Variants in GPR107 observed in about 807,000 individuals in gnomAD.
GPR107 encodes G protein-coupled receptor 107, also known as protein GPR107.
In GPR107, 31 loss-of-function variants were observed where a neutral mutation model predicts 75.5. The ratio of observed to expected loss-of-function variants is 0.41; its 90% confidence interval spans 0.31 to 0.55. The LOEUF (loss-of-function observed/expected upper bound fraction) is 0.55. Among genes scored for constraint, GPR107 ranks in the 20% least tolerant of loss-of-function variants. The pLI is 0.26. For missense variants in GPR107, 572 were observed against 665.7 expected, an observed-to-expected ratio of 0.86 and a Z score of 1.55; for synonymous variants, 267 against 251.3, an observed-to-expected ratio of 1.06 and a Z score of -0.59.
intron 17 of GPR107, among the ~76,000 whole-genome samples, chr9:130,131,480 G>A (rs7021667): frequency 2.4e-3 from 367 of 151,984 alleles, no homozygotes; most frequent in African/African-American, 8.2e-3. Context: ...ACAACCTCCT[G>A]CGCTACCACA....
intron 1 of GPR107, among the ~76,000 whole-genome samples, chr9:130,054,919 G>T (rs1023519020): frequency 1.3e-5 from 2 of 152,098 alleles, no homozygotes; most frequent in African/African-American, 4.8e-5. Context: ...CCCCAAACCT[G>T]TCTCTACAAA....
chr9:130,059,653 C>A (rs1829878627), intron 1 of GPR107, among the ~76,000 whole-genome samples: 1 of 151,810 alleles, frequency 6.6e-6, no homozygotes, highest in African/African-American at 2.4e-5. Context: ...TTCAAATTTT[C>A]ATTGGTCATA....
chr9:130,083,108 A>T (rs557885637), intron 5 of GPR107, among the ~76,000 whole-genome samples: 11 of 151,810 alleles, frequency 7.2e-5, no homozygotes, highest in African/African-American at 2.7e-4. Flanking sequence ...TTTAGTAGAG[A>T]TGGGGGTTCG....
At chr9:130,126,665 T>C (rs1831696392) in intron 15 of GPR107, among the ~76,000 whole-genome samples, 1 of 152,208 alleles carries the variant, frequency 6.6e-6, no homozygotes, top group Admixed American at 6.5e-5. Flanking sequence ...TCCAAGTCTT[T>C]CATCTGTTCG....
At chr9:130,099,728 C>T (rs1182913190) in intron 10 of GPR107, among the ~76,000 whole-genome samples, 196 bp downstream of exon 10, 1 of 152,126 alleles carries the variant, frequency 6.6e-6, no homozygotes, top group African/African-American at 2.4e-5. Flanking sequence ...TATTAGACTT[C>T]AGACATCTTC....
rs1045167116 is a variant in GPR107, at chr9:130,128,798, C to G, written c.1562+37C>G. ...TTCTTCCCTCTTCCTTAGCCCTGAC[C>G]CCTTTGCCTAACACAAAGCAGCACA... On this transcript the variant is annotated intron_variant, in intron 17 of 17. Transcript: ENST00000347136. The G allele has an allele frequency of 1.9e-6, 3 of 1,603,956 alleles. No individual in the cohort carries two copies. In the East Asian group the frequency reaches 6.7e-5, roughly 36 times the overall value.
At chr9:130,063,454 T>G (rs544518967) in intron 1 of GPR107, among the ~76,000 whole-genome samples, 1 of 152,352 alleles carries the variant, frequency 6.6e-6, no homozygotes, top group Admixed American at 6.5e-5. Flanking sequence ...CCTCCCAAAG[T>G]GCTGGGATTA....
chr9:130,112,326 G>A lies in GPR107; in HGVS notation c.1306+4787G>A, dbSNP rs188021180. Among the ~76,000 whole-genome samples the A allele has an allele frequency of 2.5e-3, 386 of 152,310 alleles. 2 individuals are homozygous for A. The highest frequency in any genetic ancestry group is 5.8e-3 in the South Asian group (28 of 4,830). ...CATGCGAGGCATTTGTTAGGGCAGC[G>A]GTTCTCAAGGGGGTCCTCGGGATCA... On this transcript the variant is annotated intron_variant, in intron 14 of 17. Coordinates refer to ENST00000347136, the MANE Select transcript of GPR107 (RefSeq NM_020960.5). This position sits in a 1 kb window ranked among gnomAD's most constrained non-coding sequence, Gnocchi z 4.0.
At chr9:130,085,754 A>ATTTTTTTTTTTGTTTTTTTTTTTTTTTT (rs1830599052) in intron 6 of GPR107, among the ~76,000 whole-genome samples, 1 of 78,672 alleles carries the variant, frequency 1.3e-5, no homozygotes, top group Non-Finnish European at 2.4e-5. Context: ...CAATATTTTG[A>ATTTTTTTTTTTGTTTTTTTTTTTTTTTT]TTTTTTTTTT....
intron 14 of GPR107, among the ~76,000 whole-genome samples, chr9:130,121,614 C>T (rs929584140): frequency 2.0e-5 from 3 of 152,256 alleles, no homozygotes; most frequent in Non-Finnish European, 4.4e-5. Context: ...ACCTCTGAGC[C>T]TCCGCACCTG....
chr9:130,084,514 G>C (rs577315336), intron 6 of GPR107, among the ~76,000 whole-genome samples: 1 of 151,174 alleles, frequency 6.6e-6, no homozygotes, highest in Non-Finnish European at 1.5e-5. Context: ...ATGGTGGCTT[G>C]CGCCTGTAAT....
intron 17 of GPR107, among the ~76,000 whole-genome samples, chr9:130,131,831 G>T (rs1258427791): frequency 6.6e-6 from 1 of 152,034 alleles, no homozygotes; most frequent in Non-Finnish European, 1.5e-5. Context: ...CTCGTGCCTG[G>T]GCTTTGTGGT....
chr9:130,098,026 T>C (rs1589510144), intron 9 of GPR107, among the ~76,000 whole-genome samples: 1 of 151,986 alleles, frequency 6.6e-6, no homozygotes. Flanking sequence ...GGACTACAGG[T>C]GTGCACCGCC....
At position 130,104,484 on chromosome 9, in the gene GPR107, T is replaced by C. The variant is rs751684771; in HGVS notation, c.1196T>C (p.Leu399Ser). The C allele has an allele frequency of 1.2e-6, 2 of 1,613,086 alleles. No individual in the cohort carries two copies. The highest frequency in any genetic ancestry group is 2.7e-5 in the African/African-American group (2 of 74,894). ...STEEGTTEYG[L>S]WKDSLFLVDL... ...GAGGAGGGCACGACTGAATATGGCT[T>C]GTGGAAGGACTCTCTATTTCTGGTC... The change falls in exon 13 of 18, where the codon TTG becomes TCG. Residue 399 changes from leucine (L) to serine (S), a missense_variant. Physicochemically the swap from Leu to Ser is moderately radical, Grantham distance 145 (BLOSUM62 -2). Transcript: ENST00000347136.
intron 1 of GPR107, among the ~76,000 whole-genome samples, chr9:130,055,608 G>T (rs533656846): frequency 1.1e-3 from 162 of 151,546 alleles, no homozygotes; most frequent in Non-Finnish European, 2.0e-3. Context: ...ATGAAGCATT[G>T]TATTTTGTTA....
At chr9:130,111,036 A>G (rs558230588) in intron 14 of GPR107, among the ~76,000 whole-genome samples, 1 of 152,026 alleles carries the variant, frequency 6.6e-6, no homozygotes, top group African/African-American at 2.4e-5. Flanking sequence ...AAATTTTTGT[A>G]GAGATGAGGT....
At chr9:130,058,626 A>G (rs1006453568) in intron 1 of GPR107, among the ~76,000 whole-genome samples, 1 of 151,990 alleles carries the variant, frequency 6.6e-6, no homozygotes, top group Admixed American at 6.6e-5. Flanking sequence ...CACCACGCTC[A>G]GCTAATTTTT....
chr9:130,062,544 T>C (rs891700395), intron 1 of GPR107, among the ~76,000 whole-genome samples: 2 of 151,822 alleles, frequency 1.3e-5, no homozygotes, highest in Admixed American at 6.6e-5. Context: ...ACTAGAGATA[T>C]ACAAATGAGA....
intron 1 of GPR107, among the ~76,000 whole-genome samples, chr9:130,065,095 A>G (rs1386441868): frequency 6.6e-6 from 1 of 152,196 alleles, no homozygotes; most frequent in Non-Finnish European, 1.5e-5. Context: ...CTCTAACTTC[A>G]TAGGAACGTG....
Sources: allele counts gnomAD v4.1 joint callset (sites outside exome capture counted in the v4.1 genomes callset), GRCh38; gene constraint gnomAD v4.1.1; non-coding constraint Gnocchi (gnomAD v3.1); transcripts MANE v1.5; gene names NCBI Gene and HGNC (gene_info 2026-07-23, HGNC 2026-07-21).